GDF6: variants seen among roughly 807,000 people sequenced by gnomAD.
The protein encoded by GDF6 is growth differentiation factor 6.
In GDF6, 3 loss-of-function variants were observed where a neutral mutation model predicts 32.4. The ratio of observed to expected loss-of-function variants is 0.09; its 90% CI spans 0.04 to 0.24. The LOEUF (loss-of-function observed/expected upper bound fraction) is 0.24. Among genes scored for constraint, GDF6 ranks in the 10% least tolerant of loss-of-function variants. The pLI, the probability that GDF6 is intolerant of heterozygous loss-of-function variation, is 1.00. For missense variants in GDF6, 589 were observed against 637.9 expected (o/e 0.92, Z 0.83); for synonymous variants, 296 against 295.3 (o/e 1.00, Z -0.03).
chr8:96,145,030 C>G lies in GDF6; in HGVS notation c.901G>C (p.Glu301Gln), dbSNP rs1268352523. The G allele has an allele frequency of 1.4e-6, 2 of 1,435,900 alleles. No individual in the cohort carries two copies. The highest frequency in any genetic ancestry group is 2.9e-5 in the South Asian group (2 of 68,832). The allele number at this position is 1,435,900 out of a possible 1,614,324, so 88.9% of individuals were successfully genotyped here. A position where few individuals can be genotyped will look rare whatever the true frequency, so the allele number is the denominator to read the frequency against. Residue 301 changes from glutamate (E) to glutamine (Q), a missense_variant, in exon 2 of 2, where the codon GAG becomes CAG. Glu to Gln is a conservative substitution (Grantham distance 29). Around this residue, in one of 2 missense-constraint regions of GDF6, gnomAD observed 436 missense variants for 411.2 expected, o/e 1.06. Transcript: ENST00000287020. This position sits in a 1 kb window ranked among gnomAD's most constrained non-coding sequence, Gnocchi z 5.6. ...AEMREQLGSA[E>Q]AAGPGAGAEG... ...GCGCCCGCGCCCGGGCCCGCAGCCT[C>G]GGCCGAGCCCAGCTGCTCGCGCATC...
chr8:96,147,967 G>T (rs1812511217), intron 1 of GDF6, among the ~76,000 whole-genome samples: 1 of 152,132 alleles, frequency 6.6e-6, no homozygotes, highest in South Asian at 2.1e-4. Context: ...CATGCAATAT[G>T]GGGGAAATCA....
At chr8:96,154,164 C>G (rs192341529) in intron 1 of GDF6, among the ~76,000 whole-genome samples, 1 of 152,190 alleles carries the variant, frequency 6.6e-6, no homozygotes, top group Non-Finnish European at 1.5e-5. Context: ...CTGTCCTTCT[C>G]CCCAAGCTAA....
Position 96,160,417 on chromosome 8 carries a change from C to G in GDF6, c.276G>C (p.Val92=). The G allele has an allele frequency of 6.2e-7, 1 of 1,614,124 alleles. No individual in the cohort carries two copies. The highest frequency in any genetic ancestry group is 1.1e-5 in the South Asian group (1 of 91,078). Residue 92 remains valine (V), a synonymous_variant, in exon 1 of 2, where the codon GTG becomes GTC. Coordinates refer to ENST00000287020, the MANE Select transcript of GDF6 (RefSeq NM_001001557.4). Reference sequence around the variant, plus strand: ...TTGACAGCATGTACTCGTGGGGCACCACGCGCGGACCCCTGCCTGGCGGCT... The same window carrying G: ...TTGACAGCATGTACTCGTGGGGCACGACGCGCGGACCCCTGCCTGGCGGCT... ...AQEPPGRGPR[V]VPHEYMLSIY...
chr8:96,154,967 G>T (rs1812634973), intron 1 of GDF6, among the ~76,000 whole-genome samples: 1 of 152,198 alleles, frequency 6.6e-6, no homozygotes, highest in Non-Finnish European at 1.5e-5. Flanking sequence ...CAGGTGACAC[G>T]CATCCTCTCC....
At position 96,145,587 on chromosome 8, in the gene GDF6, C is replaced by T. The variant is rs1481175020; in HGVS notation, c.407-63G>A. ...AGGGGGAGATCAGCCCGGTGCTCTTCGGCCGCCCCGGGAGGAAAAGGGCGG... is the reference window on the plus strand; with the variant it reads ...AGGGGGAGATCAGCCCGGTGCTCTTTGGCCGCCCCGGGAGGAAAAGGGCGG... On this transcript the variant is annotated intron_variant, in intron 1 of 1. Coordinates refer to ENST00000287020, the MANE Select transcript of GDF6 (RefSeq NM_001001557.4). This position sits in a 1 kb window ranked among gnomAD's most constrained non-coding sequence, Gnocchi z 5.6. 6.3e-7 allele frequency: 1 copy of T among 1,590,638 alleles called. No individual in the cohort carries two copies. The highest frequency in any genetic ancestry group is 8.5e-7 in the Non-Finnish European group (1 of 1,175,524).
chr8:96,160,245 G>T, intron 1 of GDF6, 42 bp downstream of exon 1: 1 of 1,607,698 alleles, frequency 6.2e-7, no homozygotes, highest in Non-Finnish European at 8.5e-7. Flanking sequence ...TGGCTGCCGA[G>T]CTCCAGCGGG....
chr8:96,144,265 AGAGAGAGAGAGAGAGAGAGAGAGAG>A lies in GDF6; in HGVS notation c.*273_*297del, dbSNP rs1238578859. The A allele has an allele frequency of 2.3e-6, 1 of 439,818 alleles. No individual in the cohort carries two copies. Among genetic ancestry groups the A allele is most frequent in the African/African-American group, 2.2e-5 (1 of 44,488 alleles). 27.2% of individuals were successfully genotyped at this position (439,818 alleles called of 1,614,324 possible). ...GTAATAGAGAGAGAGAGAGAGAGAG[AGAGAGAGAGAGAGAGAGAGAGAGAG>A]AAAACAGAACAAAAGAAATCCTCCT... is the stretch of plus-strand genomic sequence containing the variant. On this transcript the variant is annotated 3_prime_UTR_variant, in exon 2 of 2. Transcript: ENST00000287020. The surrounding 1 kb of genome is among the most constrained non-coding windows in gnomAD (Gnocchi z 5.1).
At chr8:96,150,651 G>A (rs1444744762) in intron 1 of GDF6, among the ~76,000 whole-genome samples, 8 of 152,248 alleles carry the variant, frequency 5.3e-5, no homozygotes, top group African/African-American at 1.9e-4. Context: ...GATGTTGAAG[G>A]TCCTAATTCC....
At chr8:96,152,953 C>T (rs777105128) in intron 1 of GDF6, among the ~76,000 whole-genome samples, 3 of 152,126 alleles carry the variant, frequency 2.0e-5, no homozygotes, top group Non-Finnish European at 4.4e-5. Context: ...CAGCAAGCTG[C>T]GGCTCAAGGT....
chr8:96,156,487 TTGTC>T (rs1385004500), intron 1 of GDF6, among the ~76,000 whole-genome samples: 1 of 151,482 alleles, frequency 6.6e-6, no homozygotes, highest in African/African-American at 2.4e-5. Flanking sequence ...ATAGAACTAA[TTGTC>T]TGGCTTTCCC....
rs185619906 is a variant in GDF6, at chr8:96,146,099, C to G, written c.407-575G>C. On this transcript the variant is annotated intron_variant, in intron 1 of 1. Transcript: ENST00000287020. ...CCAGTAACACTCTGTCTGCCTCCAC[C>G]AACCCACGGGAGCTAGGCCGATGTC... 2.3e-4 allele frequency among the ~76,000 whole-genome samples: 35 copies of G among 152,308 alleles called. 1 individual carries two copies. In the East Asian group the frequency reaches 6.6e-3, roughly 29 times the overall value.
rs1421003834 is a variant in GDF6 at position 96,144,614 on chromosome 8, C to A, written c.1317G>T (p.Val439=). The change falls in exon 2 of 2, where the codon GTG becomes GTT. Residue 439 remains valine, a synonymous_variant. Coordinates refer to ENST00000287020, the MANE Select transcript of GDF6 (RefSeq NM_001001557.4). This position sits in a 1 kb window ranked among gnomAD's most constrained non-coding sequence, Gnocchi z 5.1. ...SILYIDAGNN[V]VYKQYEDMVV... ...CCATGTCCTCGTACTGCTTGTAGAC[C>A]ACATTATTGCCCGCGTCGATGTATA... 6.2e-7 allele frequency: 1 copy of A among 1,613,930 alleles called. No individual in the cohort carries two copies. Among genetic ancestry groups the A allele is most frequent in the Admixed American group, 1.7e-5 (1 of 59,998 alleles).
intron 1 of GDF6, among the ~76,000 whole-genome samples, chr8:96,153,506 G>T (rs1812605989): frequency 6.6e-6 from 1 of 152,188 alleles, no homozygotes; most frequent in Non-Finnish European, 1.5e-5. Flanking sequence ...GGGACCTGGG[G>T]GGTTGGCTAG....
chr8:96,158,072 C>T (rs1199048706), intron 1 of GDF6, among the ~76,000 whole-genome samples: 1 of 152,176 alleles, frequency 6.6e-6, no homozygotes, highest in Non-Finnish European at 1.5e-5. Flanking sequence ...TCTGAGAACC[C>T]GGAGACGCGG....
At chr8:96,157,719 G>A (rs1212673152) in intron 1 of GDF6, among the ~76,000 whole-genome samples, 1 of 152,192 alleles carries the variant, frequency 6.6e-6, no homozygotes, top group Non-Finnish European at 1.5e-5. Flanking sequence ...AGCCGGGGAT[G>A]CGCGGCTGGC....
intron 1 of GDF6, among the ~76,000 whole-genome samples, chr8:96,152,845 G>C (rs567451200): frequency 1.3e-5 from 2 of 152,166 alleles, no homozygotes; most frequent in African/African-American, 4.8e-5. Flanking sequence ...CCAGACCCAG[G>C]CCCTTCTCTT....
intron 1 of GDF6, among the ~76,000 whole-genome samples, chr8:96,151,964 A>G (rs1812575470): frequency 6.6e-6 from 1 of 152,202 alleles, no homozygotes; most frequent in Non-Finnish European, 1.5e-5. Flanking sequence ...CATAGTACAT[A>G]GAGACGTCCA....
In GDF6 at chr8:96,145,932, T is replaced by A. The variant is rs2130209687; in HGVS notation, c.407-408A>T. On this transcript the variant is annotated intron_variant, in intron 1 of 1. Transcript: ENST00000287020. The surrounding 1 kb of genome is among the most constrained non-coding windows in gnomAD (Gnocchi z 5.6). ...CGTTGACGTCTCAAATGTCACCTCC[T>A]CCAAGTAGCCACCCCTGAGCACCCT... Among the ~76,000 whole-genome samples the A allele has an allele frequency of 6.6e-6, 1 of 152,278 alleles. No individual in the cohort carries two copies. The highest frequency in any genetic ancestry group is 2.1e-4 in the South Asian group (1 of 4,820).
At chr8:96,151,283 C>T (rs1812564873) in intron 1 of GDF6, among the ~76,000 whole-genome samples, 1 of 152,234 alleles carries the variant, frequency 6.6e-6, no homozygotes, top group Non-Finnish European at 1.5e-5. Flanking sequence ...GCATAATAAT[C>T]GTTAAGAGCA....
Sources: gnomAD v4.1 joint callset for allele counts (sites outside exome capture counted in the v4.1 genomes callset) on GRCh38, gnomAD v4.1.1 for gene constraint, gnomAD v4.1.1 regional missense constraint, Gnocchi (gnomAD v3.1) non-coding constraint, MANE v1.5 for transcripts, NCBI Gene and HGNC (gene_info 2026-07-23, HGNC 2026-07-21) for gene names.